Variants in CUBN observed in about 807,000 individuals in gnomAD.
The protein encoded by CUBN is 460 kDa receptor.
A neutral mutation model predicts 405.3 loss-of-function variants in CUBN; 282 were observed. The ratio of observed to expected loss-of-function variants is 0.70; its 90% CI spans 0.63 to 0.77. CUBN has a LOEUF of 0.77. CUBN is among the 30% of genes least tolerant of loss of function. The pLI is 0.00. For missense variants in CUBN, 4,514 were observed against 4,475.2 expected, an observed-to-expected ratio of 1.01 and a Z score of -0.25; for synonymous variants, 1,684 against 1,617.0, an observed-to-expected ratio of 1.04 and a Z score of -0.99.
intron 27 of CUBN, among the ~76,000 whole-genome samples, chr10:17,030,583 G>T (rs1324163961): frequency 6.6e-6 from 1 of 152,138 alleles, no homozygotes; most frequent in Non-Finnish European, 1.5e-5. Context: ...TACTGAAGAA[G>T]AATTTTTCCT....
At chr10:16,826,221 T>A (rs1218690443) in intron 66 of CUBN, among the ~76,000 whole-genome samples, 1 of 152,210 alleles carries the variant, frequency 6.6e-6, no homozygotes, top group African/African-American at 2.4e-5. Flanking sequence ...ATTAGCAAAA[T>A]AAGGAGCTAC....
At chr10:17,028,459 G>A (rs1834720417) in intron 27 of CUBN, among the ~76,000 whole-genome samples, 1 of 151,834 alleles carries the variant, frequency 6.6e-6, no homozygotes, top group South Asian at 2.1e-4. Flanking sequence ...GATGGTTCAC[G>A]CCTGTAATCC....
At chr10:17,122,987 C>T (rs919715748) in intron 5 of CUBN, 89 bp from the exon 6 acceptor site, 8 of 876,092 alleles carry the variant, frequency 9.1e-6, no homozygotes, top group African/African-American at 3.3e-5. Context: ...AGGATTTATA[C>T]GTGGACAGTA....
intron 31 of CUBN, among the ~76,000 whole-genome samples, chr10:16,961,926 A>T (rs866361259): frequency 9.2e-5 from 14 of 151,914 alleles, no homozygotes; most frequent in Non-Finnish European, 1.6e-4. Flanking sequence ...GTTAGCCAGG[A>T]TGGTCTCCAT....
At chr10:17,021,399 A>G (rs532219880) in intron 27 of CUBN, among the ~76,000 whole-genome samples, 14 of 152,358 alleles carry the variant, frequency 9.2e-5, no homozygotes, top group African/African-American at 2.6e-4. Flanking sequence ...GACTAAGGCC[A>G]TTACATTTTC....
At chr10:17,003,930 A>G (rs1412313126) in intron 28 of CUBN, among the ~76,000 whole-genome samples, 1 of 152,224 alleles carries the variant, frequency 6.6e-6, no homozygotes, top group East Asian at 1.9e-4. Context: ...CTAAAACAAC[A>G]GTGGTTCCCT....
At chr10:17,060,884 C>G (rs1029687783) in intron 22 of CUBN, among the ~76,000 whole-genome samples, 1 of 152,018 alleles carries the variant, frequency 6.6e-6, no homozygotes, top group Non-Finnish European at 1.5e-5. Context: ...AACCCTGTCT[C>G]TACTAAAAAT....
intron 31 of CUBN, among the ~76,000 whole-genome samples, chr10:16,980,364 T>C (rs939467950): frequency 2.6e-5 from 4 of 152,210 alleles, no homozygotes; most frequent in South Asian, 2.1e-4. Context: ...GGATTATAAA[T>C]CATTCTACTA....
chr10:16,939,238 G>T, intron 37 of CUBN, 91 bp from the exon 38 acceptor site: 1 of 1,018,900 alleles, frequency 9.8e-7, no homozygotes, highest in Non-Finnish European at 1.5e-6. Flanking sequence ...TGTTGAAAAG[G>T]ATGGACTTTT....
Position 16,913,987 on chromosome 10 carries a change from C to G in CUBN, c.7357G>C (p.Gly2453Arg). ...LRFESSMEECGGDLQGSIGTF... is the reference protein window; with the variant it reads ...LRFESSMEECRGDLQGSIGTF... ...CCAATAGAGCCCTGAAGATCCCCAC[C>G]ACACTCTGACGTGGGGAAAAAGCCA... Residue 2453 changes from glycine (G) to arginine (R), a missense_variant, in exon 48 of 67, where the codon GGT becomes CGT. By Grantham distance (125) the Gly-to-Arg change is moderately radical. Around this residue, in one of 5 missense-constraint regions of CUBN, gnomAD observed 1,613 missense variants for 1,542.8 expected, o/e 1.05. Transcript: ENST00000377833. 6.2e-7 allele frequency: 1 copy of G among 1,613,958 alleles called. No individual in the cohort carries two copies. The highest frequency in any genetic ancestry group is 8.5e-7 in the Non-Finnish European group (1 of 1,179,978).
chr10:16,916,810 TTTTC>T (rs1184328145), intron 45 of CUBN, among the ~76,000 whole-genome samples: 1 of 150,336 alleles, frequency 6.7e-6, no homozygotes, highest in African/African-American at 2.4e-5. Context: ...TTTCTTTTCT[TTTTC>T]TTTCTTTTTT....
chr10:16,935,759 A>G lies in CUBN; in HGVS notation c.5926+1833T>C, dbSNP rs192497879. Among the ~76,000 whole-genome samples the G allele has an allele frequency of 1.4e-4, 21 of 151,772 alleles. No individual in the cohort carries two copies. The East Asian group carries it at 3.9e-3, about 28-fold the overall frequency. On this transcript the variant is annotated intron_variant, in intron 39 of 66. Transcript: ENST00000377833. Reference sequence around the variant, plus strand: ...GCCAGGTGTGGTGGTGGGCACCTGTAGTCCTAGCTACTTGGGAGGCTGAGG... The same window carrying G: ...GCCAGGTGTGGTGGTGGGCACCTGTGGTCCTAGCTACTTGGGAGGCTGAGG...
rs767407930 is a variant in CUBN, at chr10:16,984,170, C to A, written c.4460G>T (p.Arg1487Leu). The change falls in exon 30 of 67, where the codon CGA becomes CTA. Residue 1487 changes from arginine to leucine, a missense_variant. By Grantham distance (102) the Arg-to-Leu change is moderately radical. Transcript: ENST00000377833. ...ATTTATGGACAAGTCGGTCTTGAAT[C>A]GAATTGCTAGCTCATTTCCAGTGCT... The part of the protein sequence containing the change: ...VSSTGNELAI[R>L]FKTDLSINGR... 5.6e-6 allele frequency: 9 copies of A among 1,614,060 alleles called. No homozygotes were observed. The highest frequency in any genetic ancestry group is 7.6e-6 in the Non-Finnish European group (9 of 1,179,994).
intron 28 of CUBN, among the ~76,000 whole-genome samples, chr10:17,001,976 C>A (rs930075350): frequency 6.6e-5 from 10 of 152,162 alleles, no homozygotes; most frequent in African/African-American, 2.4e-4. Context: ...TGTCCTCCAC[C>A]AGATTTGTTC....
At chr10:17,050,707 A>T (rs1835245972) in intron 22 of CUBN, among the ~76,000 whole-genome samples, 1 of 152,176 alleles carries the variant, frequency 6.6e-6, no homozygotes, top group South Asian at 2.1e-4. Flanking sequence ...TGAGACACCT[A>T]AAAGGCCATA....
intron 45 of CUBN, among the ~76,000 whole-genome samples, chr10:16,917,367 T>C (rs953004415): frequency 6.6e-6 from 1 of 152,134 alleles, no homozygotes; most frequent in Non-Finnish European, 1.5e-5. Context: ...TATAGACTGT[T>C]TTTTTCTCTA....
At position 17,105,481 on chromosome 10, in the gene CUBN, G is replaced by A. The variant is rs1836604695; in HGVS notation, c.1206C>T (p.His402=). 4.4e-6 allele frequency: 7 copies of A among 1,604,234 alleles called. No homozygotes were observed. Among genetic ancestry groups the A allele is most frequent in the East Asian group, 2.2e-5 (1 of 44,824 alleles). Residue 402 remains histidine (H), a synonymous_variant, in exon 11 of 67, where the codon CAC becomes CAT. Transcript: ENST00000377833. The part of the protein sequence containing the change: ...CVQLSNICLS[H]PCLNGQCIDT... ...CGATGCATTGTCCATTTAGACAGGG[G>A]TGACTTAGGCAAATATTACTGAGCT...
intron 56 of CUBN, among the ~76,000 whole-genome samples, chr10:16,882,056 G>C (rs1185941832): frequency 6.6e-6 from 1 of 152,130 alleles, no homozygotes; most frequent in Non-Finnish European, 1.5e-5. Context: ...TCTCATAATT[G>C]GGGTGACTGT....
At chr10:16,835,860 A>G (rs187914779) in intron 63 of CUBN, among the ~76,000 whole-genome samples, 1,594 of 152,258 alleles carry the variant, frequency 0.01, 29 homozygotes, top group African/African-American at 0.036. Flanking sequence ...ATTGTATGAT[A>G]TGAGAATTAT....
Sources: gnomAD v4.1 joint callset for allele counts (sites outside exome capture counted in the v4.1 genomes callset) on GRCh38, gnomAD v4.1.1 for gene constraint, gnomAD v4.1.1 regional missense constraint, MANE v1.5 for transcripts, NCBI Gene and HGNC (gene_info 2026-07-23, HGNC 2026-07-21) for gene names.